The following CDHR3 variants were observed in gnomAD, a reference collection of about 807,000 sequenced individuals.
The protein encoded by CDHR3 is cadherin related family member 3.
CDHR3 carries 79 observed loss-of-function variants against 86.6 expected under a neutral mutation model. The ratio of observed to expected loss-of-function variants is 0.91; its 90% CI spans 0.76 to 1.10. The LOEUF (loss-of-function observed/expected upper bound fraction) is 1.10. Ranked by LOEUF, CDHR3 falls within the 50% of genes least tolerant of loss-of-function variation. The pLI is 0.00. For synonymous variants in CDHR3, 421 were observed against 402.4 expected (o/e 1.05, Z -0.55); for missense variants, 1,081 against 1,077.6 (o/e 1.00, Z -0.04).
At chr7:105,989,101 C>T (rs1350269688) in intron 4 of CDHR3, among the ~76,000 whole-genome samples, 2 of 152,110 alleles carry the variant, frequency 1.3e-5, no homozygotes, top group African/African-American at 4.8e-5. Flanking sequence ...GGTGGGCATG[C>T]AGGTAGAGCC....
intron 18 of CDHR3, 71 bp from the exon 19 acceptor site, chr7:106,032,322 G>A (rs1838497502): frequency 7.0e-7 from 1 of 1,426,800 alleles, no homozygotes; most frequent in Admixed American, 2.1e-5. Context: ...ACAGAGCAGG[G>A]TAGAAGTGGG....
At chr7:106,028,924 C>CTTTCTTTCTTTT (rs1554532688) in intron 17 of CDHR3, among the ~76,000 whole-genome samples, 4 of 89,994 alleles carry the variant, frequency 4.4e-5, no homozygotes, top group African/African-American at 1.9e-4. Flanking sequence ...AATTTTCTTT[C>CTTTCTTTCTTTT]TTTCTTTCTT....
intron 4 of CDHR3, 22 bp from the exon 5 acceptor site, chr7:105,994,729 A>T (rs1831917430): frequency 1.9e-6 from 3 of 1,567,130 alleles, no homozygotes; most frequent in East Asian, 2.3e-5. Flanking sequence ...GATTTCATCA[A>T]TTTTTTTCCC....
At chr7:105,989,680 C>G (rs1345030118) in intron 4 of CDHR3, among the ~76,000 whole-genome samples, 2 of 152,102 alleles carry the variant, frequency 1.3e-5, no homozygotes, top group African/African-American at 4.8e-5. Flanking sequence ...ATCAAGGGTC[C>G]CAGCTGGATG....
intron 2 of CDHR3, among the ~76,000 whole-genome samples, chr7:105,980,625 T>TTTTTTTTTTTTA (rs1829581121): frequency 1.2e-4 from 2 of 17,312 alleles, no homozygotes; most frequent in Admixed American, 7.3e-4. Flanking sequence ...TTTTTTTAAT[T>TTTTTTTTTTTTA]TTTTTTTTTT....
intron 18 of CDHR3, among the ~76,000 whole-genome samples, chr7:106,031,260 A>C (rs1479346842): frequency 2.6e-5 from 4 of 152,190 alleles, no homozygotes; most frequent in Non-Finnish European, 5.9e-5. Flanking sequence ...TTAGTAGTGG[A>C]AGATACAGAG....
intron 2 of CDHR3, among the ~76,000 whole-genome samples, chr7:105,980,605 T>TAA (rs1829533580): frequency 6.1e-5 from 2 of 32,992 alleles, no homozygotes; most frequent in African/African-American, 1.8e-4. Context: ...TTTTTTTTTT[T>TAA]AATTTTTTTT....
At chr7:105,996,657 G>T (rs1055473404) in intron 6 of CDHR3, among the ~76,000 whole-genome samples, 1 of 152,170 alleles carries the variant, frequency 6.6e-6, no homozygotes, top group Non-Finnish European at 1.5e-5. Context: ...TGCAGAGGGT[G>T]CTTTTAAAAT....
Position 105,975,057 on chromosome 7 carries a change from A to G in CDHR3, c.249+11A>G. 6.2e-7 allele frequency: 1 copy of G among 1,602,744 alleles called. No homozygotes were observed. Among genetic ancestry groups the G allele is most frequent in the Non-Finnish European group, 8.5e-7 (1 of 1,169,656 alleles). The stretch of plus-strand genomic sequence containing the variant: ...GGCACCTACTTTGAGGTAAGTAACA[A>G]CTTACCAACATGAGTGTTGCCTGCA... On this transcript the variant is annotated intron_variant, in intron 2 of 18. Transcript: ENST00000317716.
Position 106,035,858 on chromosome 7 carries a change from T to C in CDHR3, c.*3161T>C, listed in dbSNP as rs532809001. The C allele has an allele frequency of 1.3e-5, 2 of 152,170 alleles. No individual in the cohort carries two copies. Among genetic ancestry groups the C allele is most frequent in the Non-Finnish European group, 2.9e-5 (2 of 68,020 alleles). The allele number at this position is 152,170 out of a possible 1,614,324, so 9.4% of individuals were successfully genotyped here. A position where few individuals can be genotyped will look rare whatever the true frequency, so the allele number is the denominator to read the frequency against. ...AAGACTCGGCTGGCAATCAGTCTGATTGGTTACAGACAGCCAATTTCCCAG... is the reference window on the plus strand; with the variant it reads ...AAGACTCGGCTGGCAATCAGTCTGACTGGTTACAGACAGCCAATTTCCCAG... On this transcript the variant is annotated 3_prime_UTR_variant, in exon 19 of 19. Coordinates refer to ENST00000317716, the MANE Select transcript of CDHR3 (RefSeq NM_152750.5).
chr7:105,975,153 C>G (rs1361507922), intron 2 of CDHR3, 107 bp downstream of exon 2: 1 of 993,746 alleles, frequency 1.0e-6, no homozygotes, highest in Non-Finnish European at 1.6e-6. Flanking sequence ...CTGGTTTAAT[C>G]TTCCCTCTTG....
At chr7:105,999,702 C>T (rs1287840537) in intron 6 of CDHR3, among the ~76,000 whole-genome samples, 1 of 152,224 alleles carries the variant, frequency 6.6e-6, no homozygotes, top group Non-Finnish European at 1.5e-5. Flanking sequence ...GTGGTTGCCA[C>T]CTCTGGCATC....
intron 4 of CDHR3, among the ~76,000 whole-genome samples, chr7:105,992,688 TA>T (rs1201241383): frequency 3.3e-5 from 5 of 152,154 alleles, no homozygotes; most frequent in African/African-American, 1.2e-4. Context: ...GACTTAAGAA[TA>T]GGGGTAAATG....
chr7:105,996,077 G>C (rs1000404972), intron 5 of CDHR3, among the ~76,000 whole-genome samples, 173 bp from the exon 6 acceptor site: 1 of 152,088 alleles, frequency 6.6e-6, no homozygotes, highest in Non-Finnish European at 1.5e-5. Flanking sequence ...GTTTGGAGAC[G>C]GGGGGAGAAA....
chr7:106,021,511 A>G lies in CDHR3; in HGVS notation c.1826-687A>G, dbSNP rs535531293. Among the ~76,000 whole-genome samples, 4 of 152,336 alleles carry G rather than the reference A, an allele frequency of 2.6e-5. No homozygotes were observed. In the East Asian group the frequency reaches 7.7e-4, roughly 29 times the overall value. On this transcript the variant is annotated intron_variant, in intron 13 of 18. Transcript: ENST00000317716. ...CTCCATTTACTGGTGTTCAGTCGGT[A>G]ATGAGTCTGGAGCCAGTGGAGGAAT...
intron 4 of CDHR3, 23 bp downstream of exon 4, chr7:105,984,312 G>T: frequency 6.3e-7 from 1 of 1,575,488 alleles, no homozygotes; most frequent in South Asian, 1.1e-5. Flanking sequence ...ATATGGAAGA[G>T]GTGGTGTTTG....
In CDHR3 at chr7:106,001,627, C is replaced by G. The variant is rs187493124; in HGVS notation, c.862+17C>G. On this transcript the variant is annotated intron_variant, in intron 7 of 18. Transcript: ENST00000317716. ...TAAATCAGTGTAAGCCACTCACTTC[C>G]ATCCTTAAGTGCATCCTCTAATTCA... 43 of 1,613,332 alleles carry G rather than the reference C, an allele frequency of 2.7e-5. No homozygotes were observed. In the Admixed American group the frequency reaches 6.5e-4, roughly 24 times the overall value.
intron 4 of CDHR3, 58 bp downstream of exon 4, chr7:105,984,347 C>CAGG: frequency 7.5e-7 from 1 of 1,340,846 alleles, no homozygotes; most frequent in Non-Finnish European, 1.0e-6. Flanking sequence ...GACACAGGAG[C>CAGG]CTGCTGTCCT....
chr7:105,973,079 G>A (rs575475169), intron 1 of CDHR3, among the ~76,000 whole-genome samples: 2 of 152,140 alleles, frequency 1.3e-5, no homozygotes, highest in South Asian at 2.1e-4. Context: ...TACCCACTCC[G>A]TGCCTCCTAC....
Sources: gnomAD v4.1 joint callset for allele counts (sites outside exome capture counted in the v4.1 genomes callset) on GRCh38, gnomAD v4.1.1 for gene constraint, MANE v1.5 for transcripts, NCBI Gene and HGNC (gene_info 2026-07-23, HGNC 2026-07-21) for gene names.